CCDC38: variants seen among roughly 807,000 people sequenced by gnomAD.
The protein encoded by CCDC38 is coiled-coil domain-containing protein 38.
CCDC38 carries 69 observed loss-of-function variants against 72.8 expected under a neutral mutation model. The ratio of observed to expected loss-of-function variants is 0.95; its 90% CI spans 0.78 to 1.16. The LOEUF (loss-of-function observed/expected upper bound fraction) is 1.16, where lower values mean the gene tolerates loss of function less well. Among genes scored for constraint, CCDC38 ranks in the 50% most tolerant of loss-of-function variants. The pLI, the probability that CCDC38 is intolerant of heterozygous loss-of-function variation, is 0.00. For synonymous variants in CCDC38, 201 were observed against 213.2 expected, an observed-to-expected ratio of 0.94 and a Z score of 0.50; for missense variants, 626 against 638.9, an observed-to-expected ratio of 0.98 and a Z score of 0.22.
Position 95,942,307 on chromosome 12 carries a change from A to G in CCDC38, c.-15+124T>C, listed in dbSNP as rs566057235. The G allele has an allele frequency of 4.6e-5, 7 of 151,826 alleles. No individual in the cohort carries two copies. In the South Asian group the frequency reaches 1.5e-3, roughly 31 times the overall value. The allele number at this position is 151,826 out of a possible 1,614,324, so 9.4% of individuals were successfully genotyped here. A position where few individuals can be genotyped will look rare whatever the true frequency, so the allele number is the denominator to read the frequency against. On this transcript the variant is annotated intron_variant, in intron 1 of 15. Coordinates refer to ENST00000344280, the MANE Select transcript of CCDC38 (RefSeq NM_182496.3). ...GCGACGAGGCTGAGAATCACAGACC[A>G]TCTTCCATAAACTTGATTCTGTCTC...
chr12:95,901,118 G>A (rs1420648088), intron 5 of CCDC38, among the ~76,000 whole-genome samples: 1 of 152,198 alleles, frequency 6.6e-6, no homozygotes, highest in African/African-American at 2.4e-5. Context: ...TGGTGGCTTG[G>A]ACTGCAGTAG....
chr12:95,893,890 C>T (rs1254422936), intron 8 of CCDC38, among the ~76,000 whole-genome samples: 1 of 151,616 alleles, frequency 6.6e-6, no homozygotes, highest in East Asian at 1.9e-4. Flanking sequence ...ATATAGCATA[C>T]ATAAAAATAT....
In CCDC38 at chr12:95,940,189, T is replaced by G. The variant is rs536063204; in HGVS notation, c.-15+2242A>C. Among the ~76,000 whole-genome samples, 11 of 152,340 alleles carry G rather than the reference T, an allele frequency of 7.2e-5. No homozygotes were observed. The South Asian group carries it at 2.3e-3, about 32-fold the overall frequency. On this transcript the variant is annotated intron_variant, in intron 1 of 15. Transcript: ENST00000344280. ...TTGAAATGGGAGCATAACTGACAAC[T>G]ACTTTTTGTAAGAAACTCCCAATCA... is the stretch of plus-strand genomic sequence containing the variant.
At chr12:95,914,584 A>G (rs981819746) in intron 4 of CCDC38, among the ~76,000 whole-genome samples, 3 of 152,340 alleles carry the variant, frequency 2.0e-5, no homozygotes, top group Non-Finnish European at 2.9e-5. Flanking sequence ...GTTTTAAATC[A>G]TAACCATAAA....
intron 2 of CCDC38, among the ~76,000 whole-genome samples, chr12:95,923,579 A>G (rs1224641712): frequency 5.3e-5 from 8 of 151,764 alleles, no homozygotes; most frequent in African/African-American, 1.9e-4. Context: ...TTTAGGGTAC[A>G]TGTGCACAAT....
intron 2 of CCDC38, among the ~76,000 whole-genome samples, chr12:95,920,845 G>A (rs1006240200): frequency 6.6e-6 from 1 of 152,158 alleles, no homozygotes; most frequent in African/African-American, 2.4e-5. Context: ...AAAAGCAAAA[G>A]AGGGCCGGGC....
intron 11 of CCDC38, among the ~76,000 whole-genome samples, chr12:95,880,826 GC>G (rs2079691740): frequency 1.3e-5 from 2 of 152,312 alleles, no homozygotes; most frequent in South Asian, 4.1e-4. Flanking sequence ...AATGGCAGTT[GC>G]CAGGGGCTAT....
intron 7 of CCDC38, 118 bp downstream of exon 7, chr12:95,898,267 C>G (rs2079912157): frequency 1.0e-6 from 1 of 1,001,396 alleles, no homozygotes; most frequent in Admixed American, 2.0e-5. Context: ...AAAATTCGTT[C>G]ATACTTATGA....
intron 4 of CCDC38, among the ~76,000 whole-genome samples, chr12:95,911,418 C>A (rs80015123): frequency 0.092 from 14,061 of 152,164 alleles, 804 homozygotes; most frequent in Non-Finnish European, 0.12. Context: ...CAGCAAAAAA[C>A]ACTATCAACA....
chr12:95,933,379 T>A (rs1430992020), intron 2 of CCDC38: 4 of 152,174 alleles, frequency 2.6e-5, no homozygotes, highest in Non-Finnish European at 5.9e-5. Context: ...GAAAAAAGAC[T>A]GTATTAAATA....
chr12:95,901,899 C>G (rs878980070), intron 5 of CCDC38, among the ~76,000 whole-genome samples: 1 of 151,952 alleles, frequency 6.6e-6, no homozygotes, highest in Non-Finnish European at 1.5e-5. Context: ...AAAAATTTTG[C>G]TATAAAGGAG....
chr12:95,919,295 T>C, intron 2 of CCDC38: 2 of 367,572 alleles, frequency 5.4e-6, no homozygotes, highest in South Asian at 4.5e-5. Context: ...GCTGGATTGG[T>C]TACAGCTCGG....
intron 2 of CCDC38, chr12:95,934,468 G>A (rs2080369750): frequency 6.6e-6 from 1 of 152,224 alleles, no homozygotes; most frequent in South Asian, 2.1e-4. Flanking sequence ...TCTGACCCAA[G>A]AGTTTTGTAT....
rs1388771031 is a variant in CCDC38, at chr12:95,895,110, A to G, written c.651T>C (p.Tyr217=). Residue 217 remains tyrosine (Y), a synonymous_variant, in exon 8 of 16, where the codon TAT becomes TAC. Transcript: ENST00000344280. ...IAKTEFLLRE[Y]MKYGFFLLQM... is the part of the protein sequence containing the mutation. ...GCAGCAGAAAAAAACCATATTTCAT[A>G]TACTCCCTGAGGAGGAATTCTGTTT... 3 of 1,612,462 alleles carry G rather than the reference A, an allele frequency of 1.9e-6. 1 individual carries two copies. The highest frequency in any genetic ancestry group is 2.2e-5 in the South Asian group (2 of 90,564).
Position 95,918,796 on chromosome 12 carries a change from C to A in CCDC38, c.138+80G>T. On this transcript the variant is annotated intron_variant, in intron 3 of 15. Coordinates refer to ENST00000344280, the MANE Select transcript of CCDC38 (RefSeq NM_182496.3). Reference sequence around the variant, plus strand: ...CGTCTAGTTGACTCCATGTCTCAGCCCAGCAAAGTTCATAAGAGCAATAGG... The same window carrying A: ...CGTCTAGTTGACTCCATGTCTCAGCACAGCAAAGTTCATAAGAGCAATAGG... The A allele has an allele frequency of 4.3e-6, 4 of 935,594 alleles. No homozygotes were observed. The South Asian group carries it at 4.3e-5, about 10-fold the overall frequency. The allele number at this position is 935,594 out of a possible 1,614,324, so 58.0% of individuals were successfully genotyped here.
intron 2 of CCDC38, among the ~76,000 whole-genome samples, chr12:95,922,520 A>T (rs2080219990): frequency 6.6e-6 from 1 of 152,212 alleles, no homozygotes; most frequent in Non-Finnish European, 1.5e-5. Context: ...CATGGCTGAC[A>T]GTGCAGTGAA....
chr12:95,942,207 A>G (rs561786146), intron 1 of CCDC38, among the ~76,000 whole-genome samples: 14 of 152,308 alleles, frequency 9.2e-5, no homozygotes, highest in African/African-American at 2.9e-4. Flanking sequence ...GATAAACATG[A>G]ATAAACGAAA....
rs2079681356 is a variant in CCDC38 at position 95,879,980 on chromosome 12, T to G, written c.991-185A>C. 1 of 442,530 alleles carries G rather than the reference T, an allele frequency of 2.3e-6. No homozygotes were observed. Among genetic ancestry groups the G allele is most frequent in the African/African-American group, 2.0e-5 (1 of 51,182 alleles). 27.4% of individuals were successfully genotyped at this position (442,530 alleles called of 1,614,324 possible). A position where few individuals can be genotyped will look rare whatever the true frequency, so the allele number is the denominator to read the frequency against. ...GAGCTGGCTTTCAGAAAGAGCACAT[T>G]TGCAGTGTTGTGGGGAGATGAGGGT... On this transcript the variant is annotated intron_variant, in intron 11 of 15. Coordinates refer to ENST00000344280, the MANE Select transcript of CCDC38 (RefSeq NM_182496.3). This position sits in a 1 kb window ranked among gnomAD's most constrained non-coding sequence, Gnocchi z 5.5.
chr12:95,890,303 G>A (rs1404178489), intron 9 of CCDC38, among the ~76,000 whole-genome samples: 1 of 152,224 alleles, frequency 6.6e-6, no homozygotes, highest in Non-Finnish European at 1.5e-5. Flanking sequence ...CAAATCTCCG[G>A]TCTGAACTTG....
Sources: gnomAD v4.1 joint callset for allele counts (sites outside exome capture counted in the v4.1 genomes callset) on GRCh38, gnomAD v4.1.1 for gene constraint, Gnocchi (gnomAD v3.1) non-coding constraint, MANE v1.5 for transcripts, NCBI Gene and HGNC (gene_info 2026-07-23, HGNC 2026-07-21) for gene names.